Variants in DNAH1 observed in about 807,000 individuals in gnomAD.
DNAH1 encodes dynein axonemal heavy chain 1.
Under a neutral mutation model 484.3 loss-of-function variants are expected in DNAH1, and 327 were observed. That is an observed-to-expected ratio of 0.68 (90% CI 0.62 to 0.74). The LOEUF (loss-of-function observed/expected upper bound fraction) is 0.74, where lower values mean the gene tolerates loss of function less well. Among genes scored for constraint, DNAH1 ranks in the 30% least tolerant of loss-of-function variants. DNAH1 has a pLI of 0.00. For missense variants in DNAH1, 5,052 were observed against 5,546.8 expected, an observed-to-expected ratio of 0.91 and a Z score of 2.83; for synonymous variants, 2,192 against 2,191.9, an observed-to-expected ratio of 1.00 and a Z score of 0.00.
chr3:52,326,458 G>A (rs1010393533), intron 4 of DNAH1, 144 bp downstream of exon 4: 6 of 1,142,366 alleles, frequency 5.3e-6, no homozygotes, highest in African/African-American at 4.7e-5. Flanking sequence ...TAGCCCTTTG[G>A]TGTCTTAATA....
In DNAH1 at chr3:52,322,391, G is replaced by A. The variant is rs761749791; in HGVS notation, c.-34-18G>A. The A allele has an allele frequency of 2.1e-5, 33 of 1,546,306 alleles. No individual in the cohort carries two copies. The highest frequency in any genetic ancestry group is 1.4e-4 in the East Asian group (6 of 43,852). On this transcript the variant is annotated intron_variant, in intron 1 of 77. Coordinates refer to ENST00000420323, the MANE Select transcript of DNAH1 (RefSeq NM_015512.5). ...CAGAGGCTGGCAAGGGCTGACTGAC[G>A]CTGGGTTCTTCTCCTAGGAGCTTCG...
In DNAH1 at chr3:52,372,089, G is replaced by C. The variant is rs904121299; in HGVS notation, c.6666+3G>C. On this transcript the variant is annotated splice_donor_region_variant and intron_variant, in intron 42 of 77. Coordinates refer to ENST00000420323, the MANE Select transcript of DNAH1 (RefSeq NM_015512.5). ...TGCTGCTCACCAACAAGAAGCCCGT[G>C]AGCACCCCCCCAGGCCCTGCCTCCA... 7 of 1,613,220 alleles carry C rather than the reference G, an allele frequency of 4.3e-6. No individual in the cohort carries two copies. Among genetic ancestry groups the C allele is most frequent in the Non-Finnish European group, 5.1e-6 (6 of 1,179,714 alleles).
chr3:52,394,422 C>G (rs1578203332), intron 66 of DNAH1, 43 bp from the exon 67 acceptor site: 1 of 1,599,434 alleles, frequency 6.3e-7, no homozygotes. Context: ...GCAGGAGGAG[C>G]TGGCCAGGGC....
At position 52,372,222 on chromosome 3, in the gene DNAH1, G is replaced by A; in HGVS notation, c.6667-5G>A. ...CATGCTCCTGTGCCATCCCCGCTCTGCCAGGTGCTGTGCATTGGGCCAACA... is the reference window on the plus strand; with the variant it reads ...CATGCTCCTGTGCCATCCCCGCTCTACCAGGTGCTGTGCATTGGGCCAACA... On this transcript the variant is annotated splice_polypyrimidine_tract_variant and splice_region_variant and intron_variant, in intron 42 of 77. Transcript: ENST00000420323. 6.2e-7 allele frequency: 1 copy of A among 1,613,666 alleles called. No individual in the cohort carries two copies. Among genetic ancestry groups the A allele is most frequent in the South Asian group, 1.1e-5 (1 of 91,066 alleles).
At chr3:52,345,474 C>T (rs1276884200) in intron 9 of DNAH1, 21 bp from the exon 10 acceptor site, 1 of 1,552,072 alleles carries the variant, frequency 6.4e-7, no homozygotes, top group Non-Finnish European at 8.7e-7. Flanking sequence ...TGATACTGGC[C>T]CTTGGCCCCT....
chr3:52,352,165 C>T (rs1702412728), intron 17 of DNAH1, 62 bp downstream of exon 17: 11 of 1,535,794 alleles, frequency 7.2e-6, no homozygotes, highest in South Asian at 3.6e-5. Flanking sequence ...GCACAGTTCT[C>T]CAGGGCCTGG....
intron 1 of DNAH1, among the ~76,000 whole-genome samples, chr3:52,317,665 G>T (rs1700996160): frequency 6.6e-6 from 1 of 152,222 alleles, no homozygotes; most frequent in Non-Finnish European, 1.5e-5. Context: ...GAAGAGTGAC[G>T]CTCCCTGGTC....
chr3:52,362,648 T>C lies in DNAH1; in HGVS notation c.5094+147T>C. 1.3e-6 allele frequency: 1 copy of C among 775,242 alleles called. No individual in the cohort carries two copies. Among genetic ancestry groups the C allele is most frequent in the East Asian group, 2.7e-5 (1 of 37,194 alleles). The allele number at this position is 775,242 out of a possible 1,614,324, so 48.0% of individuals were successfully genotyped here. On this transcript the variant is annotated intron_variant, in intron 31 of 77. Transcript: ENST00000420323. This position sits in a 1 kb window ranked among gnomAD's most constrained non-coding sequence, Gnocchi z 5.1. ...GCCCCTTAGCCATGGAGGGGAGGCCTCAGGGCCTCAGACTTGTCCTCAGGG... is the reference window on the plus strand; with the variant it reads ...GCCCCTTAGCCATGGAGGGGAGGCCCCAGGGCCTCAGACTTGTCCTCAGGG...
chr3:52,370,647 C>CG lies in DNAH1; in HGVS notation c.6417+14dup. 1.2e-6 allele frequency: 2 copies of CG among 1,606,060 alleles called. No homozygotes were observed. ...TGGAGAACGAACAGGTGAGAGCCGG[C>CG]GGCCCCCAGGGACCAGGAGCCTCAG... is the stretch of plus-strand genomic sequence containing the variant. On this transcript the variant is annotated intron_variant, in intron 40 of 77. Coordinates refer to ENST00000420323, the MANE Select transcript of DNAH1 (RefSeq NM_015512.5).
At chr3:52,396,292 T>G (rs1559574905) in intron 70 of DNAH1, 76 bp from the exon 71 acceptor site, 2 of 1,487,826 alleles carry the variant, frequency 1.3e-6, no homozygotes. Context: ...TCAGGGTCCC[T>G]GGGCAGGAGG....
At chr3:52,359,578 C>T (rs1239199823) in intron 26 of DNAH1, among the ~76,000 whole-genome samples, 192 bp downstream of exon 26, 1 of 152,172 alleles carries the variant, frequency 6.6e-6, no homozygotes, top group Non-Finnish European at 1.5e-5. Context: ...GAGGCGATGC[C>T]CCCTCTGCAA....
intron 14 of DNAH1, 105 bp from the exon 15 acceptor site, chr3:52,349,884 G>A: frequency 6.9e-7 from 1 of 1,455,046 alleles, no homozygotes; most frequent in Non-Finnish European, 9.2e-7. Flanking sequence ...GTGGTGGAGG[G>A]GACAGTTACC....
chr3:52,322,469 T>G lies in DNAH1; in HGVS notation c.27T>G (p.Tyr9Ter). ...TGGAGCAGCCTAACAGTAAAGGCTA[T>G]AGCCTGGGAAGGACCCCTCAGGGCC... is the stretch of plus-strand genomic sequence containing the variant. MEQPNSKGYSLGRTPQGPE... is the reference protein window; with the variant it reads MEQPNSKG Residue 9 changes from tyrosine (Y) to a stop codon, truncating the protein, a stop_gained, in exon 2 of 78, where the codon TAT (tyrosine) becomes TAG (stop). Transcript: ENST00000420323. LOFTEE classifies it high-confidence loss of function. 6.2e-7 allele frequency: 1 copy of G among 1,612,560 alleles called. No individual in the cohort carries two copies. The highest frequency in any genetic ancestry group is 2.2e-5 in the East Asian group (1 of 44,872).
At position 52,345,706 on chromosome 3, in the gene DNAH1, G is replaced by T. The variant is rs1183286716; in HGVS notation, c.1656G>T (p.Gln552His). The T allele has an allele frequency of 1.9e-6, 3 of 1,611,604 alleles. No individual in the cohort carries two copies. Among genetic ancestry groups the T allele is most frequent in the Non-Finnish European group, 2.5e-6 (3 of 1,178,910 alleles). ...FEQIQSQTFS[Q>H]VQMFLKDSWI... ...AGATCCAGTCACAGACCTTCTCCCA[G>T]GTTTGTGGGCATCAAGGGCACAGGG... The change falls in exon 10 of 78, where the codon CAG becomes CAT. Residue 552 changes from glutamine to histidine, a missense_variant and splice_region_variant. Physicochemically the swap from Gln to His is conservative, Grantham distance 24 (BLOSUM62 0). Around this residue, in one of 4 missense-constraint regions of DNAH1, gnomAD observed 1,263 missense variants for 1,218.8 expected, o/e 1.04. Transcript: ENST00000420323.
At chr3:52,385,263 AG>A in intron 53 of DNAH1, 73 bp from the exon 54 acceptor site, 1 of 1,423,706 alleles carries the variant, frequency 7.0e-7, no homozygotes. Flanking sequence ...CTCATGAATG[AG>A]GGCGGCCCAG....
chr3:52,397,259 C>G (rs1704678992), intron 73 of DNAH1, among the ~76,000 whole-genome samples: 1 of 152,020 alleles, frequency 6.6e-6, no homozygotes, highest in South Asian at 2.1e-4. Context: ...AACTCCTGGT[C>G]AGCCACTCCC....
chr3:52,391,035 AC>A lies in DNAH1; in HGVS notation c.9723del (p.Asn3241LysfsTer18). 6.4e-7 allele frequency: 1 copy of A among 1,560,126 alleles called. No individual in the cohort carries two copies. Among genetic ancestry groups the A allele is most frequent in the Non-Finnish European group, 8.7e-7 (1 of 1,151,854 alleles). On this transcript the variant is annotated frameshift_variant, in exon 61 of 78. Transcript: ENST00000420323. LOFTEE classifies it high-confidence loss of function. ...THFIDPQSQA[N>X]KWIKNMEKDN... ...TTCATTGACCCTCAGAGCCAGGCCA[AC>A]AAATGGATCAAGAACATGGTGAGCC...
intron 48 of DNAH1, 86 bp downstream of exon 48, chr3:52,380,221 T>A: frequency 8.4e-7 from 1 of 1,192,382 alleles, no homozygotes; most frequent in Non-Finnish European, 1.2e-6. Context: ...CAGTCACCAC[T>A]AACAGACTAC....
chr3:52,352,002 A>T lies in DNAH1; in HGVS notation c.2770A>T (p.Ile924Leu). 6 of 1,601,522 alleles carry T rather than the reference A, an allele frequency of 3.7e-6. No homozygotes were observed. The highest frequency in any genetic ancestry group is 1.3e-5 in the African/African-American group (1 of 74,772). ...CTGGCCTTCTAAGATCCTTGGGCAG[A>T]TAGAGCTGGTGCAGCAGCAGCATGT... ...SNWPSKILGQ[I>L]ELVQQQHVED... The change falls in exon 17 of 78, where the codon ATA becomes TTA. Residue 924 changes from isoleucine to leucine, a missense_variant. Physicochemically the swap from Ile to Leu is conservative, Grantham distance 5. Coordinates refer to ENST00000420323, the MANE Select transcript of DNAH1 (RefSeq NM_015512.5).
Sources: allele counts gnomAD v4.1 joint callset (sites outside exome capture counted in the v4.1 genomes callset), GRCh38; gene constraint gnomAD v4.1.1; regional missense constraint gnomAD v4.1.1; non-coding constraint Gnocchi (gnomAD v3.1); transcripts MANE v1.5; gene names NCBI Gene and HGNC (gene_info 2026-07-23, HGNC 2026-07-21).